The following SLC30A8 variants were observed in gnomAD, a reference collection of about 807,000 sequenced individuals.
SLC30A8 encodes proton-coupled zinc antiporter SLC30A8.
In SLC30A8, 27 loss-of-function variants were observed where a neutral mutation model predicts 36.9. The ratio of observed to expected loss-of-function variants is 0.73; its 90% CI spans 0.54 to 1.01. The LOEUF is 1.01. Ranked by LOEUF, SLC30A8 falls within the 50% of genes least tolerant of loss-of-function variation. SLC30A8 has a pLI of 0.00. For missense variants in SLC30A8, 439 were observed against 452.0 expected (o/e 0.97, Z 0.26); for synonymous variants, 164 against 172.4 (o/e 0.95, Z 0.38).
chr8:117,023,499 A>C (rs1400033717), intron 1 of SLC30A8, among the ~76,000 whole-genome samples: 1 of 152,216 alleles, frequency 6.6e-6, no homozygotes, highest in East Asian at 1.9e-4. Context: ...AGACTGGATT[A>C]AGAAAATGTG....
intron 2 of SLC30A8, among the ~76,000 whole-genome samples, chr8:117,102,046 G>C (rs1433254948): frequency 3.3e-5 from 5 of 152,112 alleles, no homozygotes; most frequent in Non-Finnish European, 5.9e-5. Flanking sequence ...TTATGTCACT[G>C]TTGAGCTGGG....
At chr8:117,050,698 G>T (rs557330682) in intron 2 of SLC30A8, among the ~76,000 whole-genome samples, 6 of 152,168 alleles carry the variant, frequency 3.9e-5, no homozygotes, top group Non-Finnish European at 8.8e-5. Context: ...GAGCCACCAC[G>T]CCTGGCTGAC....
At chr8:116,968,197 T>C (rs1318772138) in intron 1 of SLC30A8, among the ~76,000 whole-genome samples, 1 of 152,116 alleles carries the variant, frequency 6.6e-6, no homozygotes, top group Non-Finnish European at 1.5e-5. Context: ...ACCACACTAA[T>C]CAGCTGTCCT....
At chr8:117,104,423 C>T (rs1819880541) in intron 2 of SLC30A8, among the ~76,000 whole-genome samples, 2 of 152,156 alleles carry the variant, frequency 1.3e-5, no homozygotes, top group Admixed American at 1.3e-4. Flanking sequence ...ACCTTTCCTC[C>T]AGTTTTCAGT....
intron 1 of SLC30A8, among the ~76,000 whole-genome samples, chr8:116,984,475 T>C (rs1056358164): frequency 3.3e-5 from 5 of 152,164 alleles, no homozygotes; most frequent in Non-Finnish European, 7.4e-5. Flanking sequence ...GCTTTTGGTA[T>C]AGTTATTATT....
chr8:117,115,378 C>G lies in SLC30A8; in HGVS notation c.-225-19902C>G, dbSNP rs150621911. Among the ~76,000 whole-genome samples the G allele has an allele frequency of 7.4e-4, 113 of 152,200 alleles. 1 individual carries two copies. Among genetic ancestry groups the G allele is most frequent in the African/African-American group, 2.4e-3 (100 of 41,554 alleles). On this transcript the variant is annotated intron_variant, in intron 2 of 10. Transcript: ENST00000427715. The stretch of plus-strand genomic sequence containing the variant: ...CCATTTTGATCCTCTTTTCTCCCAT[C>G]AATCTTCTAATTTTCTTTGTTCCTT...
intron 2 of SLC30A8, among the ~76,000 whole-genome samples, chr8:117,151,459 T>C (rs1822186438): frequency 6.6e-6 from 1 of 152,244 alleles, no homozygotes; most frequent in Non-Finnish European, 1.5e-5. Context: ...AGCAGTTTGC[T>C]CTATGCATCA....
intron 2 of SLC30A8, among the ~76,000 whole-genome samples, chr8:117,101,185 TAA>T (rs1215295956): frequency 6.6e-6 from 1 of 152,186 alleles, no homozygotes; most frequent in Non-Finnish European, 1.5e-5. Context: ...AAGGATAAGA[TAA>T]AGTGTTTACT....
Position 117,172,518 on chromosome 8 carries a change from G to A in SLC30A8, c.965-18G>A. 1 of 1,613,482 alleles carries A rather than the reference G, an allele frequency of 6.2e-7. No individual in the cohort carries two copies. The highest frequency in any genetic ancestry group is 1.7e-5 in the Admixed American group (1 of 59,954). ...GTGTGCAATCAGTGCTAATCTCCCT[G>A]TGCTTCTTTATCAACAGCAGCCAGC... On this transcript the variant is annotated intron_variant, in intron 7 of 7. Transcript: ENST00000456015.
At chr8:117,083,549 G>T (rs1818744894) in intron 2 of SLC30A8, among the ~76,000 whole-genome samples, 1 of 152,148 alleles carries the variant, frequency 6.6e-6, no homozygotes, top group African/African-American at 2.4e-5. Context: ...ACAATTGTCT[G>T]CTCAACCATT....
chr8:116,972,132 T>G (rs1814815063), intron 1 of SLC30A8, among the ~76,000 whole-genome samples: 1 of 152,234 alleles, frequency 6.6e-6, no homozygotes, highest in Non-Finnish European at 1.5e-5. Context: ...CAAAAATTTT[T>G]ATTTTCTTCT....
chr8:117,012,157 G>T (rs1300420062), intron 1 of SLC30A8, among the ~76,000 whole-genome samples: 1 of 152,118 alleles, frequency 6.6e-6, no homozygotes, highest in South Asian at 2.1e-4. Context: ...AGCATATGCT[G>T]TTTGGAGTTT....
intron 2 of SLC30A8, among the ~76,000 whole-genome samples, chr8:117,082,915 A>G (rs1264609713): frequency 6.6e-6 from 1 of 152,164 alleles, no homozygotes; most frequent in African/African-American, 2.4e-5. Context: ...AGCAGTTTTC[A>G]GGAAAAGCAG....
intron 3 of SLC30A8, among the ~76,000 whole-genome samples, chr8:117,153,465 G>A (rs1199659291): frequency 6.6e-6 from 1 of 152,198 alleles, no homozygotes; most frequent in East Asian, 1.9e-4. Context: ...GAGCACCCAA[G>A]AGAGTTATAG....
At chr8:116,961,218 A>G (rs542946724) in intron 1 of SLC30A8, among the ~76,000 whole-genome samples, 59 of 152,286 alleles carry the variant, frequency 3.9e-4, no homozygotes, top group Non-Finnish European at 1.5e-5. Context: ...TCACGAGGTC[A>G]GGAGATTGAG....
chr8:116,971,785 A>G (rs1227888042), intron 1 of SLC30A8, among the ~76,000 whole-genome samples: 1 of 152,204 alleles, frequency 6.6e-6, no homozygotes, highest in Non-Finnish European at 1.5e-5. Context: ...CCTAAATAGC[A>G]CTGCAACTGT....
At position 117,174,700 on chromosome 8, in the gene SLC30A8, T is replaced by A. The variant is rs1163610603; in HGVS notation, c.*2019T>A. 6.6e-6 allele frequency: 1 copy of A among 152,522 alleles called. No individual in the cohort carries two copies. The highest frequency in any genetic ancestry group is 2.4e-5 in the African/African-American group (1 of 41,426). The allele number at this position is 152,522 out of a possible 1,614,324, so 9.4% of individuals were successfully genotyped here. A position where few individuals can be genotyped will look rare whatever the true frequency, so the allele number is the denominator to read the frequency against. ...TTCTGCTTCTTTTTGAAAATCATGT[T>A]TAGATTTGATTTTAAGTCAGAAATT... On this transcript the variant is annotated 3_prime_UTR_variant, in exon 8 of 8. Transcript: ENST00000456015.
intron 1 of SLC30A8, among the ~76,000 whole-genome samples, chr8:116,965,380 A>G (rs1366682812): frequency 6.6e-6 from 1 of 152,242 alleles, no homozygotes; most frequent in East Asian, 1.9e-4. Flanking sequence ...TTCTCAAACA[A>G]AATAAGAGGG....
At chr8:117,159,166 G>C (rs1822651290) in intron 4 of SLC30A8, among the ~76,000 whole-genome samples, 1 of 150,742 alleles carries the variant, frequency 6.6e-6, no homozygotes, top group Non-Finnish European at 1.5e-5. Flanking sequence ...TTAGATTTCT[G>C]ACCTCCAGAA....
Sources: allele counts gnomAD v4.1 joint callset (sites outside exome capture counted in the v4.1 genomes callset), GRCh38; gene constraint gnomAD v4.1.1; transcripts MANE v1.5; gene names NCBI Gene and HGNC (gene_info 2026-07-23, HGNC 2026-07-21).